LMAN1: variants seen among roughly 807,000 people sequenced by gnomAD.
The protein encoded by LMAN1 is lectin, mannose binding 1.
A neutral mutation model predicts 67.8 loss-of-function variants in LMAN1; 32 were observed. That is an observed-to-expected ratio of 0.47 (90% CI 0.36 to 0.63). LMAN1 has a LOEUF of 0.63. Among genes scored for constraint, LMAN1 ranks in the 30% least tolerant of loss-of-function variants. The probability of loss-of-function intolerance (pLI) is 0.00; values close to 1 mark genes in which losing one functional copy is unlikely to be tolerated. For synonymous variants in LMAN1, 235 were observed against 219.3 expected (o/e 1.07, Z -0.63); for missense variants, 632 against 628.2 (o/e 1.01, Z -0.06).
chr18:59,355,771 AT>A, intron 1 of LMAN1, 113 bp from the exon 2 acceptor site: 1 of 1,201,410 alleles, frequency 8.3e-7, no homozygotes, highest in Non-Finnish European at 1.2e-6. Context: ...TACAATAATG[AT>A]TTGGAAAAAA....
chr18:59,350,856 G>C (rs1908529392), intron 5 of LMAN1, among the ~76,000 whole-genome samples: 1 of 152,128 alleles, frequency 6.6e-6, no homozygotes, highest in African/African-American at 2.4e-5. Flanking sequence ...GGAATGTTAG[G>C]AAGGACTGTA....
At position 59,345,938 on chromosome 18, in the gene LMAN1, G is replaced by A. The variant is rs145829103; in HGVS notation, c.936C>T (p.Pro312=). 13,851 of 1,613,858 alleles carry A rather than the reference G, an allele frequency of 8.6e-3. 76 individuals carry two copies. The highest frequency in any genetic ancestry group is 0.011 in the Non-Finnish European group (12,818 of 1,179,968). ...KKKEEFQKGH[P]DLQGQPAEEI... ...ACTCACCAGGCTGCCCTTGGAGGTC[G>A]GGGTGGCCCTTCTGGAATTCCTCTT... is the stretch of plus-strand genomic sequence containing the variant. Residue 312 remains proline (P), a synonymous_variant, in exon 8 of 13, where the codon CCC becomes CCT. Coordinates refer to ENST00000251047, the MANE Select transcript of LMAN1 (RefSeq NM_005570.4).
rs756817901 is a variant in LMAN1 at position 59,359,126 on chromosome 18, G to A, written c.119C>T (p.Ala40Val). ...GTACTCGAAACGGCGATGTGGCAACGCGACCGCGGGGTCTCCTCCCACGCC... is the reference window on the plus strand; with the variant it reads ...GTACTCGAAACGGCGATGTGGCAACACGACCGCGGGGTCTCCTCCCACGCC... The part of the protein sequence containing the change: ...GDGVGGDPAV[A>V]LPHRRFEYKY... The change falls in exon 1 of 13, where the codon GCG becomes GTG. Residue 40 changes from alanine to valine, a missense_variant. By Grantham distance (64) the Ala-to-Val change is moderately conservative (BLOSUM62 0). Transcript: ENST00000251047. The A allele has an allele frequency of 1.2e-6, 2 of 1,614,104 alleles. No individual in the cohort carries two copies. The highest frequency in any genetic ancestry group is 1.7e-6 in the Non-Finnish European group (2 of 1,179,984).
intron 5 of LMAN1, among the ~76,000 whole-genome samples, chr18:59,349,654 A>G (rs982129223): frequency 3.9e-5 from 6 of 152,240 alleles, no homozygotes; most frequent in African/African-American, 7.2e-5. Context: ...GATTGTCTCA[A>G]CAAGTAGTGA....
chr18:59,338,497 G>A, intron 10 of LMAN1, 60 bp downstream of exon 10: 6 of 1,375,980 alleles, frequency 4.4e-6, no homozygotes, highest in Non-Finnish European at 5.1e-6. Flanking sequence ...CACACCTGAA[G>A]TCACAAATTT....
chr18:59,347,487 G>A (rs755318379), intron 7 of LMAN1, 26 bp downstream of exon 7: 1 of 1,577,608 alleles, frequency 6.3e-7, no homozygotes, highest in African/African-American at 1.4e-5. Context: ...AACTGATAAA[G>A]TTTTTGAAAA....
intron 8 of LMAN1, 62 bp downstream of exon 8, chr18:59,345,857 C>T (rs1005421993): frequency 1.4e-5 from 23 of 1,593,408 alleles, no homozygotes; most frequent in Non-Finnish European, 1.7e-5. Context: ...GAGACTCAAG[C>T]GTCCATGATC....
intron 1 of LMAN1, among the ~76,000 whole-genome samples, chr18:59,358,148 T>C (rs745356737): frequency 8.5e-5 from 13 of 152,158 alleles, no homozygotes; most frequent in Non-Finnish European, 1.8e-4. Flanking sequence ...ACATCAGCAC[T>C]AAAAAGTGCA....
intron 8 of LMAN1, among the ~76,000 whole-genome samples, chr18:59,342,329 A>C (rs192822942): frequency 6.6e-6 from 1 of 152,124 alleles, no homozygotes; most frequent in African/African-American, 2.4e-5. Flanking sequence ...TGAGGGCGGT[A>C]TCACCCTGAT....
At chr18:59,357,123 A>T (rs1009517063) in intron 1 of LMAN1, among the ~76,000 whole-genome samples, 1 of 152,214 alleles carries the variant, frequency 6.6e-6, no homozygotes, top group Admixed American at 6.5e-5. Flanking sequence ...TACAGTGACA[A>T]TGAAAGCAAG....
rs866716081 is a variant in LMAN1 at position 59,355,505 on chromosome 18, A to T, written c.368T>A (p.Leu123Gln). The change falls in exon 2 of 13, where the codon CTA (leucine) becomes CAA (glutamine). Residue 123 changes from leucine (L) to glutamine (Q), a missense_variant and splice_region_variant. Coordinates refer to ENST00000251047, the MANE Select transcript of LMAN1 (RefSeq NM_005570.4). ...TCTAAGTTAAAGAAATGATCATACT[A>T]GGCCATCAGCTCCAATTCGACCTCT... ...TGRGRIGADG[L>Q]AIWYAENQGL... 6.2e-7 allele frequency: 1 copy of T among 1,614,102 alleles called. No homozygotes were observed. The highest frequency in any genetic ancestry group is 1.1e-5 in the South Asian group (1 of 91,082).
chr18:59,331,409 G>C lies in LMAN1; in HGVS notation c.1496+9C>G, dbSNP rs753837107. On this transcript the variant is annotated intron_variant, in intron 12 of 12. Coordinates refer to ENST00000251047, the MANE Select transcript of LMAN1 (RefSeq NM_005570.4). ...AAAATATTGGGTCACATTTTATCAAGAGACTTACCTATACATGATATAACC... is the reference window on the plus strand; with the variant it reads ...AAAATATTGGGTCACATTTTATCAACAGACTTACCTATACATGATATAACC... The C allele has an allele frequency of 1.2e-6, 2 of 1,604,358 alleles. No homozygotes were observed. Among genetic ancestry groups the C allele is most frequent in the Non-Finnish European group, 8.5e-7 (1 of 1,171,644 alleles).
intron 4 of LMAN1, 84 bp downstream of exon 4, chr18:59,354,430 TGGAAG>T: frequency 1.3e-6 from 1 of 770,594 alleles, no homozygotes. Context: ...TTTTTTCATT[TGGAAG>T]GTGTTCAGAT....
intron 7 of LMAN1, among the ~76,000 whole-genome samples, chr18:59,346,801 T>C (rs1032799060): frequency 4.6e-5 from 7 of 151,844 alleles, no homozygotes; most frequent in African/African-American, 1.7e-4. Flanking sequence ...ATTACAGGCA[T>C]GAGCCACCAC....
chr18:59,349,104 A>T lies in LMAN1; in HGVS notation c.763+9T>A. ...CAAACTTTTAATATCATCAGACTGC[A>T]AGATTTACCTGCAAGACCTCCAGTT... On this transcript the variant is annotated intron_variant, in intron 6 of 12. Transcript: ENST00000251047. 1.2e-6 allele frequency: 2 copies of T among 1,614,012 alleles called. No individual in the cohort carries two copies. Among genetic ancestry groups the T allele is most frequent in the African/African-American group, 2.7e-5 (2 of 75,060 alleles).
chr18:59,354,167 A>T (rs1198187420), intron 4 of LMAN1, among the ~76,000 whole-genome samples: 1 of 152,208 alleles, frequency 6.6e-6, no homozygotes, highest in Non-Finnish European at 1.5e-5. Flanking sequence ...CAGCCTTAAT[A>T]ATCAAGGCTC....
At chr18:59,350,479 G>T (rs1908518621) in intron 5 of LMAN1, among the ~76,000 whole-genome samples, 1 of 152,128 alleles carries the variant, frequency 6.6e-6, no homozygotes, top group South Asian at 2.1e-4. Flanking sequence ...TCATTGTCTA[G>T]TTCCAATTAT....
chr18:59,353,667 TAC>T (rs1466383402), intron 4 of LMAN1, among the ~76,000 whole-genome samples: 2 of 152,194 alleles, frequency 1.3e-5, no homozygotes, highest in Non-Finnish European at 2.9e-5. Flanking sequence ...TCACCTTTCT[TAC>T]AGTTCACTGG....
rs190958421 is a variant in LMAN1 at position 59,347,300 on chromosome 18, G to A, written c.822+213C>T. ...CGCGCCACTGCACTCCAGCCTGGGA[G>A]ACAGAGCGAGACTCCGTCTCAAAAA... On this transcript the variant is annotated intron_variant, in intron 7 of 12. Coordinates refer to ENST00000251047, the MANE Select transcript of LMAN1 (RefSeq NM_005570.4). 8.7e-3 allele frequency among the ~76,000 whole-genome samples: 1,049 copies of A among 120,894 alleles called. 10 individuals are homozygous for A. Among genetic ancestry groups the A allele is most frequent in the Non-Finnish European group, 0.013 (837 of 62,736 alleles). 79.3% of individuals were successfully genotyped at this position (120,894 alleles called of 152,430 possible). A position where few individuals can be genotyped will look rare whatever the true frequency, so the allele number is the denominator to read the frequency against.
Sources: gnomAD v4.1 joint callset for allele counts (sites outside exome capture counted in the v4.1 genomes callset) on GRCh38, gnomAD v4.1.1 for gene constraint, MANE v1.5 for transcripts, NCBI Gene and HGNC (gene_info 2026-07-23, HGNC 2026-07-21) for gene names.